The following RYR3 variants were observed in gnomAD, a reference collection of about 807,000 sequenced individuals.
RYR3 encodes brain ryanodine receptor-calcium release channel.
A neutral mutation model predicts 584.3 loss-of-function variants in RYR3; 207 were observed. The ratio of observed to expected loss-of-function variants is 0.35; its 90% confidence interval spans 0.32 to 0.40. The LOEUF is 0.40. RYR3 is among the 10% of genes least tolerant of loss of function. The pLI, the probability that RYR3 is intolerant of heterozygous loss-of-function variation, is 1.00. For synonymous variants in RYR3, 2,416 were observed against 2,248.5 expected, an observed-to-expected ratio of 1.07 and a Z score of -2.11; for missense variants, 5,616 against 6,089.2, an observed-to-expected ratio of 0.92 and a Z score of 2.59.
intron 42 of RYR3, among the ~76,000 whole-genome samples, chr15:33,706,238 A>G (rs992407232): frequency 6.6e-6 from 1 of 152,246 alleles, no homozygotes; most frequent in Non-Finnish European, 1.5e-5. Flanking sequence ...TACACAAAAT[A>G]TATAATTTAC....
intron 40 of RYR3, among the ~76,000 whole-genome samples, chr15:33,699,236 G>GTCTCTCTCTCTCTCTC (rs5811786): frequency 8.7e-6 from 1 of 114,382 alleles, no homozygotes; most frequent in African/African-American, 3.4e-5. Context: ...CTGTCTGTCT[G>GTCTCTCTCTCTCTCTC]TCTCTCTCTC....
chr15:33,745,921 G>T (rs2070655827), intron 52 of RYR3, 147 bp from the exon 53 acceptor site: 1 of 651,870 alleles, frequency 1.5e-6, no homozygotes, highest in African/African-American at 1.8e-5. Context: ...GGCCTGAAAA[G>T]ATCAATTAGG....
intron 3 of RYR3, among the ~76,000 whole-genome samples, chr15:33,508,538 G>A (rs59316591): frequency 0.03 from 4,569 of 151,986 alleles, 248 homozygotes; most frequent in African/African-American, 0.1. Flanking sequence ...TAGTCCCAGC[G>A]ACTCGGGAGG....
intron 92 of RYR3, among the ~76,000 whole-genome samples, chr15:33,844,498 G>A (rs1310973372): frequency 6.6e-6 from 1 of 152,134 alleles, no homozygotes; most frequent in African/African-American, 2.4e-5. Flanking sequence ...GTGGGGGAGC[G>A]GGCACACACA....
chr15:33,338,919 C>T (rs1051125186), intron 1 of RYR3, among the ~76,000 whole-genome samples: 4 of 152,144 alleles, frequency 2.6e-5, no homozygotes, highest in Non-Finnish European at 5.9e-5. Flanking sequence ...TTTATGTGTA[C>T]ATACACACTG....
intron 12 of RYR3, among the ~76,000 whole-genome samples, chr15:33,576,040 C>A (rs2152505620): frequency 6.6e-6 from 1 of 152,242 alleles, no homozygotes; most frequent in East Asian, 1.9e-4. Context: ...GACATATACA[C>A]CCTCCCAAGA....
chr15:33,434,736 G>C (rs370169175), intron 1 of RYR3, among the ~76,000 whole-genome samples: 1 of 152,142 alleles, frequency 6.6e-6, no homozygotes, highest in East Asian at 1.9e-4. Context: ...CCTCTAACCA[G>C]AATGTGTCAT....
chr15:33,589,522 A>T lies in RYR3; in HGVS notation c.1788+3406A>T, dbSNP rs1000162115. On this transcript the variant is annotated intron_variant, in intron 16 of 103. Coordinates refer to ENST00000634891, the MANE Select transcript of RYR3 (RefSeq NM_001036.6). ...CTTGTGCTTCTGACGTCTTAGTCAT[A>T]AATTCTTTGCCTAGACCAGTGTCCA... Among the ~76,000 whole-genome samples, 3 of 152,308 alleles carry T rather than the reference A, an allele frequency of 2.0e-5. No homozygotes were observed. In the South Asian group the frequency reaches 6.2e-4, roughly 32 times the overall value.
At position 33,825,613 on chromosome 15, in the gene RYR3, T is replaced by G. The variant is rs1306608035; in HGVS notation, c.11083T>G (p.Leu3695Val). 6.2e-7 allele frequency: 1 copy of G among 1,611,834 alleles called. No homozygotes were observed. Among genetic ancestry groups the G allele is most frequent in the Non-Finnish European group, 8.5e-7 (1 of 1,178,278 alleles). The change falls in exon 82 of 104, where the codon TTG becomes GTG. Residue 3695 changes from leucine (L) to valine (V), a missense_variant. By Grantham distance (32) the Leu-to-Val change is conservative (BLOSUM62 1). Coordinates refer to ENST00000634891, the MANE Select transcript of RYR3 (RefSeq NM_001036.6). Reference protein sequence around the residue: ...GLMQSCSVLDLNAFERQNKAE... With the variant: ...GLMQSCSVLDVNAFERQNKAE... ...TCTGTCTATTAAAAGTGTCCTTGAT[T>G]TGAATGCATTTGAGAGGCAGAATAA...
In RYR3 at chr15:33,412,183, C is replaced by T. The variant is rs895726072; in HGVS notation, c.52-61236C>T. 5.9e-5 allele frequency among the ~76,000 whole-genome samples: 9 copies of T among 152,126 alleles called. No individual in the cohort carries two copies. The highest frequency in any genetic ancestry group is 2.1e-4 in the South Asian group (1 of 4,816). On this transcript the variant is annotated intron_variant, in intron 1 of 103. Coordinates refer to ENST00000634891, the MANE Select transcript of RYR3 (RefSeq NM_001036.6). This position sits in a 1 kb window ranked among gnomAD's most constrained non-coding sequence, Gnocchi z 4.3. ...AAATGAGGTAGGCTTATTTTCTTCTCGGATACAGTTGTGGGCTTGTGGATT... is the reference window on the plus strand; with the variant it reads ...AAATGAGGTAGGCTTATTTTCTTCTTGGATACAGTTGTGGGCTTGTGGATT...
intron 3 of RYR3, among the ~76,000 whole-genome samples, chr15:33,530,261 G>A (rs1355198398): frequency 6.6e-6 from 1 of 152,130 alleles, no homozygotes; most frequent in Non-Finnish European, 1.5e-5. Flanking sequence ...CACTCTGAAC[G>A]CTTCTGAGAA....
At chr15:33,817,166 T>C (rs1346569719) in intron 75 of RYR3, among the ~76,000 whole-genome samples, 1 of 152,222 alleles carries the variant, frequency 6.6e-6, no homozygotes, top group Non-Finnish European at 1.5e-5. Context: ...AATACTGTCA[T>C]CGTCCTCCTC....
At position 33,662,743 on chromosome 15, in the gene RYR3, T is replaced by TTGA. The variant is rs764080788; in HGVS notation, c.5225_5227dup (p.Asp1742dup). Reference sequence around the variant, plus strand: ...GGAACCCTGCTGGTCATGGGCGTGTTTGATGATGATGATGTTCGGCAGATC... The same window carrying TTGA: ...GGAACCCTGCTGGTCATGGGCGTGTTTGATGATGATGATGATGTTCGGCAGATC... On this transcript the variant is annotated inframe_insertion, in exon 35 of 104. Transcript: ENST00000634891. 6 of 1,613,906 alleles carry TTGA rather than the reference T, an allele frequency of 3.7e-6. 1 individual carries two copies. In the South Asian group the frequency reaches 6.6e-5, roughly 18 times the overall value.
chr15:33,537,993 C>G (rs1595497927), intron 5 of RYR3, among the ~76,000 whole-genome samples: 1 of 150,262 alleles, frequency 6.7e-6, no homozygotes, highest in African/African-American at 2.4e-5. Flanking sequence ...CTTTTCTTTT[C>G]TTTTTTTTTC....
At chr15:33,609,434 T>A (rs1432635351) in intron 18 of RYR3, among the ~76,000 whole-genome samples, 1 of 151,770 alleles carries the variant, frequency 6.6e-6, no homozygotes, top group Non-Finnish European at 1.5e-5. Flanking sequence ...GGTGGGAGGA[T>A]CAGTTGAAGC....
chr15:33,658,345 G>T (rs188588899), intron 32 of RYR3, among the ~76,000 whole-genome samples: 180 of 152,280 alleles, frequency 1.2e-3, no homozygotes, highest in South Asian at 8.3e-3. Flanking sequence ...CTTGTTCCGT[G>T]GCCCTCTCGT....
At chr15:33,656,736 T>A (rs1484226757) in intron 32 of RYR3, among the ~76,000 whole-genome samples, 1 of 152,184 alleles carries the variant, frequency 6.6e-6, no homozygotes, top group African/African-American at 2.4e-5. Flanking sequence ...CCCTGTTTCC[T>A]TGCTGGCTAT....
rs368886639 is a variant in RYR3 at position 33,488,853 on chromosome 15, A to AAAAC, written c.172-14758_172-14755dup. ...GCAACCGAGCGAGACTCTATCTCAAAAAACAAACAAACAAACAAACAAAAA... is the reference window on the plus strand; with the variant it reads ...GCAACCGAGCGAGACTCTATCTCAAAAAACAAACAAACAAACAAACAAACAAAAA... On this transcript the variant is annotated intron_variant, in intron 2 of 103. Transcript: ENST00000634891. Among the ~76,000 whole-genome samples, 627 of 152,174 alleles carry AAAAC rather than the reference A, an allele frequency of 4.1e-3. 5 individuals carry two copies. The highest frequency in any genetic ancestry group is 0.014 in the African/African-American group (591 of 41,518).
chr15:33,610,992 C>T lies in RYR3; in HGVS notation c.2165-2191C>T, dbSNP rs1053163496. Among the ~76,000 whole-genome samples the T allele has an allele frequency of 2.0e-5, 3 of 152,080 alleles. No homozygotes were observed. In the South Asian group the frequency reaches 6.2e-4, roughly 32 times the overall value. On this transcript the variant is annotated intron_variant, in intron 18 of 103. Transcript: ENST00000634891. The stretch of plus-strand genomic sequence containing the variant: ...ATTTTGGATTTTTAGATTAAGGATG[C>T]TCAACCTGAACTAGACTAGCAGTAA...
Sources: allele counts gnomAD v4.1 joint callset (sites outside exome capture counted in the v4.1 genomes callset), GRCh38; gene constraint gnomAD v4.1.1; non-coding constraint Gnocchi (gnomAD v3.1); transcripts MANE v1.5; gene names NCBI Gene and HGNC (gene_info 2026-07-23, HGNC 2026-07-21).